The following CADM2 variants were observed in gnomAD, a reference collection of about 807,000 sequenced individuals.
CADM2 encodes immunoglobulin superfamily member 4D.
Under a neutral mutation model 49.8 loss-of-function variants are expected in CADM2, and 12 were observed. That is an observed-to-expected ratio of 0.24 (90% CI 0.15 to 0.39). The LOEUF is 0.39. Among genes scored for constraint, CADM2 ranks in the 10% least tolerant of loss-of-function variants. The pLI is 1.00. For synonymous variants in CADM2, 214 were observed against 175.4 expected (o/e 1.22, Z -1.74); for missense variants, 378 against 492.3 (o/e 0.77, Z 2.20).
chr3:85,468,517 T>C (rs2038621762), intron 1 of CADM2, among the ~76,000 whole-genome samples: 1 of 152,186 alleles, frequency 6.6e-6, no homozygotes, highest in Admixed American at 6.5e-5. Context: ...TAAGTGAGTA[T>C]ATAGTTCACA....
intron 1 of CADM2, among the ~76,000 whole-genome samples, chr3:85,598,715 GA>G (rs146799441): frequency 2.0e-5 from 3 of 151,656 alleles, no homozygotes; most frequent in African/African-American, 4.8e-5. Flanking sequence ...TAATATAGCA[GA>G]AAAAAAATTT....
intron 1 of CADM2, among the ~76,000 whole-genome samples, chr3:85,186,763 T>C (rs970621594): frequency 6.6e-6 from 1 of 152,084 alleles, no homozygotes; most frequent in Non-Finnish European, 1.5e-5. Context: ...TTGCTCCTGA[T>C]TGAGCAATCT....
In CADM2 at chr3:85,015,491, A is replaced by G. The variant is rs1188597819; in HGVS notation, c.61+55823A>G. On this transcript the variant is annotated intron_variant, in intron 1 of 9. Coordinates refer to ENST00000383699, the MANE Select transcript of CADM2 (RefSeq NM_001167675.2). ...GGCAATTCAATTGTTTCTGAAACTA[A>G]ATTTTATATTGAATGCCCTTCTGTA... Among the ~76,000 whole-genome samples the G allele has an allele frequency of 2.6e-5, 4 of 152,286 alleles. No homozygotes were observed. The Middle Eastern group carries it at 0.01, about 388-fold the overall frequency.
At chr3:85,487,317 G>C (rs1036010407) in intron 1 of CADM2, among the ~76,000 whole-genome samples, 1 of 152,100 alleles carries the variant, frequency 6.6e-6, no homozygotes, top group Non-Finnish European at 1.5e-5. Context: ...AGTTCAAAAC[G>C]ATACTGGGCA....
chr3:85,108,325 G>A (rs1365973457), intron 1 of CADM2, among the ~76,000 whole-genome samples: 3 of 152,180 alleles, frequency 2.0e-5, no homozygotes, highest in Non-Finnish European at 4.4e-5. Flanking sequence ...TGGTTGCATA[G>A]ATAAAATGTG....
intron 1 of CADM2, among the ~76,000 whole-genome samples, chr3:85,038,109 G>T (rs2107352389): frequency 6.6e-6 from 1 of 152,218 alleles, no homozygotes; most frequent in South Asian, 2.1e-4. Flanking sequence ...GTTAAGTGAT[G>T]ATTCCATAAT....
intron 2 of CADM2, among the ~76,000 whole-genome samples, chr3:85,749,846 A>C (rs1171991596): frequency 6.6e-6 from 1 of 151,954 alleles, no homozygotes; most frequent in African/African-American, 2.4e-5. Flanking sequence ...TTGTTTGTTT[A>C]GTTGGGAGAA....
intron 3 of CADM2, among the ~76,000 whole-genome samples, chr3:85,862,186 T>G (rs544284346): frequency 3.3e-5 from 5 of 152,180 alleles, no homozygotes; most frequent in African/African-American, 4.8e-5. Context: ...TGAATTCACT[T>G]TCACCATTTT....
At chr3:85,314,380 A>G (rs1382995489) in intron 1 of CADM2, among the ~76,000 whole-genome samples, 2 of 152,040 alleles carry the variant, frequency 1.3e-5, no homozygotes, top group Non-Finnish European at 1.5e-5. Flanking sequence ...AAAGGACAAA[A>G]TAATAATTTT....
intron 1 of CADM2, among the ~76,000 whole-genome samples, chr3:85,344,106 G>A (rs1247374192): frequency 6.6e-6 from 1 of 151,950 alleles, no homozygotes; most frequent in Admixed American, 6.6e-5. Flanking sequence ...TGTATGGGCC[G>A]GGCTCACGCC....
chr3:85,930,282 T>C (rs1720422382), intron 6 of CADM2, among the ~76,000 whole-genome samples: 1 of 152,126 alleles, frequency 6.6e-6, no homozygotes, highest in Non-Finnish European at 1.5e-5. Flanking sequence ...GAGTGTGCAA[T>C]ATACATTTAA....
At chr3:85,014,810 C>CA (rs1465115478) in intron 1 of CADM2, among the ~76,000 whole-genome samples, 2 of 152,072 alleles carry the variant, frequency 1.3e-5, no homozygotes, top group Non-Finnish European at 2.9e-5. Context: ...TACATACCAT[C>CA]AATGTTTCAT....
At chr3:85,606,406 C>T (rs1403143216) in intron 1 of CADM2, among the ~76,000 whole-genome samples, 1 of 152,052 alleles carries the variant, frequency 6.6e-6, no homozygotes, top group African/African-American at 2.4e-5. Flanking sequence ...AATTGGAGTG[C>T]CCGCAGCTTA....
intron 3 of CADM2, among the ~76,000 whole-genome samples, chr3:85,852,041 G>A (rs966166593): frequency 6.6e-6 from 1 of 151,954 alleles, no homozygotes; most frequent in Non-Finnish European, 1.5e-5. Flanking sequence ...GAGGTCTGAG[G>A]CTTATCCGTA....
chr3:85,486,919 T>C (rs1029942053), intron 1 of CADM2, among the ~76,000 whole-genome samples: 3 of 151,192 alleles, frequency 2.0e-5, no homozygotes, highest in African/African-American at 7.3e-5. Flanking sequence ...CCTTTGAATA[T>C]AGAATGTAAG....
At chr3:85,083,816 G>A (rs2037265872) in intron 1 of CADM2, among the ~76,000 whole-genome samples, 1 of 151,972 alleles carries the variant, frequency 6.6e-6, no homozygotes, top group Non-Finnish European at 1.5e-5. Context: ...AACACAAACT[G>A]CCACAGATTT....
At chr3:85,750,641 T>A (rs2068821517) in intron 2 of CADM2, among the ~76,000 whole-genome samples, 1 of 152,100 alleles carries the variant, frequency 6.6e-6, no homozygotes, top group Non-Finnish European at 1.5e-5. Flanking sequence ...AGCTAGATTC[T>A]TTAGTGGGGC....
At chr3:85,861,573 G>A (rs969824455) in intron 3 of CADM2, among the ~76,000 whole-genome samples, 13 of 152,222 alleles carry the variant, frequency 8.5e-5, no homozygotes, top group African/African-American at 3.1e-4. Flanking sequence ...ATCCCCTGGA[G>A]GTCAGGGGGT....
chr3:85,328,179 G>A (rs1242469168), intron 1 of CADM2, among the ~76,000 whole-genome samples: 1 of 152,122 alleles, frequency 6.6e-6, no homozygotes, highest in East Asian at 1.9e-4. Context: ...GAAACCCTTA[G>A]TGTTTAATAT....
Sources: gnomAD v4.1 joint callset for allele counts (sites outside exome capture counted in the v4.1 genomes callset) on GRCh38, gnomAD v4.1.1 for gene constraint, MANE v1.5 for transcripts, NCBI Gene and HGNC (gene_info 2026-07-23, HGNC 2026-07-21) for gene names.